ZP3: variants seen among roughly 807,000 people sequenced by gnomAD.
The protein encoded by ZP3 is zona pellucida glycoprotein 3.
ZP3 carries 21 observed loss-of-function variants against 35.6 expected under a neutral mutation model. That is an observed-to-expected ratio of 0.59 (90% CI 0.42 to 0.85). The LOEUF is 0.85. ZP3 is among the 40% of genes least tolerant of loss of function. The probability of loss-of-function intolerance (pLI) is 0.00; values close to 1 mark genes in which losing one functional copy is unlikely to be tolerated. For synonymous variants in ZP3, 207 were observed against 214.5 expected (o/e 0.96, Z 0.31); for missense variants, 437 against 536.5 (o/e 0.81, Z 1.83).
Position 76,417,784 on chromosome 7 carries a change from CTTTAT to C in ZP3, c.-66-7265_-66-7261del, listed in dbSNP as rs556853485. On this transcript the variant is annotated intron_variant, in intron 1 of 8. Coordinates refer to the ZP3 transcript ENST00000336517. ...ACACCACCACACCTGGCTAATTTTA[CTTTAT>C]TTCTTGCAGAGATGGGGTCTTGCTA... Among the ~76,000 whole-genome samples, 900 of 150,412 alleles carry C rather than the reference CTTTAT, an allele frequency of 6.0e-3. 5 individuals carry two copies. Among genetic ancestry groups the C allele is most frequent in the Non-Finnish European group, 9.9e-3 (668 of 67,516 alleles).
chr7:76,418,648 C>A (rs7790093), intron 1 of ZP3, among the ~76,000 whole-genome samples: 99,223 of 149,260 alleles, frequency 0.66, 33,795 homozygotes, highest in African/African-American at 0.81. Flanking sequence ...CGAGGTCAGG[C>A]GGTCGAGACC....
chr7:76,420,500 T>C (rs367695181), upstream of ZP3, among the ~76,000 whole-genome samples: 5 of 152,308 alleles, frequency 3.3e-5, no homozygotes, highest in Non-Finnish European at 5.9e-5. Flanking sequence ...TTCCCATCCA[T>C]GAACATGGAA....
At chr7:76,433,729 C>A in intron 4 of ZP3, 82 bp downstream of exon 4, 3 of 1,406,972 alleles carry the variant, frequency 2.1e-6, no homozygotes, top group South Asian at 1.3e-5. Context: ...GAGACAGTGT[C>A]ACTCTGTAAC....
At chr7:76,416,757 C>T (rs187027443) in intron 1 of ZP3, among the ~76,000 whole-genome samples, 260 of 151,594 alleles carry the variant, frequency 1.7e-3, no homozygotes, top group African/African-American at 5.9e-3. Flanking sequence ...CAAGATCATG[C>T]CATTGCACTC....
intron 5 of ZP3, among the ~76,000 whole-genome samples, chr7:76,439,251 A>G (rs1806122018): frequency 6.6e-6 from 1 of 151,730 alleles, no homozygotes; most frequent in Admixed American, 6.6e-5. Context: ...GTCTTGCCTT[A>G]GCTGGCAATA....
chr7:76,401,338 C>A (rs1038906942), intron 1 of ZP3, among the ~76,000 whole-genome samples: 2 of 152,206 alleles, frequency 1.3e-5, no homozygotes, highest in Non-Finnish European at 2.9e-5. Flanking sequence ...CTGTTACCTA[C>A]AGGAGTCTCA....
At chr7:76,426,874 CCA>C (rs369991319) in intron 1 of ZP3, among the ~76,000 whole-genome samples, 136 of 126,656 alleles carry the variant, frequency 1.1e-3, no homozygotes, top group Non-Finnish European at 1.7e-3. Context: ...CTACCAAACA[CCA>C]CACACACACA....
intron 1 of ZP3, among the ~76,000 whole-genome samples, chr7:76,411,083 C>T (rs191168630): frequency 6.6e-5 from 10 of 152,078 alleles, no homozygotes; most frequent in Admixed American, 2.0e-4. Context: ...CCCTGCTGCC[C>T]GCACCTGTCC....
chr7:76,398,259 C>T (rs10155894), intron 1 of ZP3, among the ~76,000 whole-genome samples: 36,022 of 151,194 alleles, frequency 0.24, 4,635 homozygotes, highest in East Asian at 0.46. Flanking sequence ...TTGGGCTCAT[C>T]TGACCTTCCT....
rs777581823 is a variant in ZP3 at position 76,429,623 on chromosome 7, C to G, written c.421C>G (p.Arg141Gly). The change falls in exon 2 of 8, where the codon CGC becomes GGC. Residue 141 changes from arginine to glycine, a missense_variant. Arg to Gly is a moderately radical substitution (Grantham distance 125). This residue lies in a region of ZP3 where 352 missense variants were observed against 308.4 expected (regional missense o/e 1.14). Transcript: ENST00000394857. ...CCGCGCAGAGATTCCCATCGAGTGC[C>G]GCTACCCCAGGTCGGTGTGGGACTG... ...TNRAEIPIEC[R>G]YPRQGNVSSQ... The G allele has an allele frequency of 1.9e-6, 3 of 1,613,844 alleles. No individual in the cohort carries two copies. The highest frequency in any genetic ancestry group is 2.5e-6 in the Non-Finnish European group (3 of 1,179,920).
intron 1 of ZP3, among the ~76,000 whole-genome samples, chr7:76,419,606 T>C (rs1164213092): frequency 6.6e-6 from 1 of 152,014 alleles, no homozygotes; most frequent in Non-Finnish European, 1.5e-5. Context: ...TTTTTCTTTC[T>C]CCCTTCCTTC....
At chr7:76,398,347 T>A (rs1804708350) in intron 1 of ZP3, among the ~76,000 whole-genome samples, 2 of 149,762 alleles carry the variant, frequency 1.3e-5, no homozygotes, top group African/African-American at 4.9e-5. Flanking sequence ...TCTCACTGTG[T>A]CCCCCAGGCT....
At chr7:76,416,476 T>A (rs1027613709) in intron 1 of ZP3, among the ~76,000 whole-genome samples, 3 of 151,884 alleles carry the variant, frequency 2.0e-5, no homozygotes, top group Non-Finnish European at 4.4e-5. Context: ...TTTCCTTAGC[T>A]ACAGTCAGGG....
At chr7:76,419,896 G>C (rs896449195) in intron 1 of ZP3, among the ~76,000 whole-genome samples, 1 of 150,852 alleles carries the variant, frequency 6.6e-6, no homozygotes, top group Non-Finnish European at 1.5e-5. Context: ...CCGCCTCCCA[G>C]GTTCAAGCGA....
rs1554622698 is a variant in ZP3, at chr7:76,405,323, T to TTTCTTTC, written c.-67+7528_-67+7529insCTTTCTT. 1.5e-3 allele frequency among the ~76,000 whole-genome samples: 44 copies of TTTCTTTC among 29,166 alleles called. 2 individuals are homozygous for TTTCTTTC. The highest frequency in any genetic ancestry group is 4.3e-3 in the African/African-American group (21 of 4,916). 19.1% of individuals were successfully genotyped at this position (29,166 alleles called of 152,430 possible). On this transcript the variant is annotated intron_variant, in intron 1 of 8. Coordinates refer to the ZP3 transcript ENST00000336517. ...TATATATATATATATATATGTATTT[T>TTTCTTTC]TTTCTTTCTTTCTTTCTTTTTTTTT...
intron 5 of ZP3, among the ~76,000 whole-genome samples, chr7:76,437,273 C>G (rs1472943696): frequency 9.8e-5 from 14 of 142,566 alleles, no homozygotes; most frequent in Non-Finnish European, 9.0e-5. Flanking sequence ...CCTCCTTATT[C>G]AAGCCATTCT....
intron 1 of ZP3, among the ~76,000 whole-genome samples, chr7:76,407,430 C>G (rs568376245): frequency 2.4e-4 from 36 of 151,798 alleles, no homozygotes; most frequent in Non-Finnish European, 4.9e-4. Flanking sequence ...CTTCCAGGTT[C>G]AAGCGATTCT....
At position 76,425,008 on chromosome 7, in the gene ZP3, G is replaced by T. The variant is rs749594370; in HGVS notation, c.44G>T (p.Gly15Val). The T allele has an allele frequency of 2.5e-6, 4 of 1,570,454 alleles. No individual in the cohort carries two copies. The highest frequency in any genetic ancestry group is 3.8e-5 in the Admixed American group (2 of 52,846). Residue 15 changes from glycine to valine, a missense_variant, in exon 1 of 8, where the codon GGT becomes GTT. By Grantham distance (109) the Gly-to-Val change is moderately radical. Coordinates refer to ENST00000394857, the MANE Select transcript of ZP3 (RefSeq NM_001110354.2). ...CTCTTCATCTGCCTCCTGCTCTGGG[G>T]TAGTACTGAGCTGTGCTACCCCCAA... ...YRLFICLLLW[G>V]STELCYPQPL...
chr7:76,437,470 C>CCT (rs1806054496), intron 5 of ZP3, among the ~76,000 whole-genome samples: 1 of 134,880 alleles, frequency 7.4e-6, no homozygotes, highest in African/African-American at 2.7e-5. Context: ...ACACTCCCCT[C>CCT]TTTTTTTTTT....
Sources: gnomAD v4.1 joint callset for allele counts (sites outside exome capture counted in the v4.1 genomes callset) on GRCh38, gnomAD v4.1.1 for gene constraint, gnomAD v4.1.1 regional missense constraint, MANE v1.5 for transcripts, NCBI Gene and HGNC (gene_info 2026-07-23, HGNC 2026-07-21) for gene names.